The following MAD1L1 variants were observed in gnomAD, a reference collection of about 807,000 sequenced individuals.
MAD1L1 encodes the protein mitotic arrest deficient 1 like 1.
In MAD1L1, 95 loss-of-function variants were observed where a neutral mutation model predicts 96.9. The observed-to-expected ratio is 0.98, with a 90% CI of 0.83 to 1.16. The LOEUF is 1.16. MAD1L1 is among the 50% of genes most tolerant of loss of function. The probability of loss-of-function intolerance (pLI) is 0.00; values close to 1 mark genes in which losing one functional copy is unlikely to be tolerated. For synonymous variants in MAD1L1, 473 were observed against 396.6 expected (o/e 1.19, Z -2.29); for missense variants, 1,007 against 954.4 (o/e 1.06, Z -0.73).
chr7:1,982,682 G>A (rs914504018), intron 14 of MAD1L1, among the ~76,000 whole-genome samples: 20 of 152,104 alleles, frequency 1.3e-4, no homozygotes, highest in Admixed American at 1.2e-3. Context: ...TCCCAATATT[G>A]ATACCTTGGG....
At chr7:2,179,966 C>T (rs193021609) in intron 10 of MAD1L1, among the ~76,000 whole-genome samples, 4 of 142,680 alleles carry the variant, frequency 2.8e-5, no homozygotes, top group East Asian at 1.9e-4. Context: ...AGCAAAACTC[C>T]GTCTCAAAAA....
Position 2,069,222 on chromosome 7 carries a change from A to T in MAD1L1, c.1190T>A (p.Leu397His), listed in dbSNP as rs757569153. The T allele has an allele frequency of 8.7e-6, 14 of 1,605,854 alleles. No homozygotes were observed. The highest frequency in any genetic ancestry group is 3.3e-4 in the Middle Eastern group (2 of 6,044). The change falls in exon 12 of 19, where the codon CTC becomes CAC. Residue 397 changes from leucine (L) to histidine (H), a missense_variant. Coordinates refer to ENST00000265854, the MANE Select transcript of MAD1L1 (RefSeq NM_001013836.2). ...GGTGAGCAGCAGGACCCGTTTCTGG[A>T]GCCTCCGGGCCAGCGCCTCGTGGGT... Reference protein sequence around the residue: ...RETHEALARRLQKRVLLLTKE... With the variant: ...RETHEALARRHQKRVLLLTKE...
At chr7:1,862,445 GA>G (rs1458566600) in intron 18 of MAD1L1, among the ~76,000 whole-genome samples, 1 of 152,236 alleles carries the variant, frequency 6.6e-6, no homozygotes, top group Non-Finnish European at 1.5e-5. Flanking sequence ...GCAGGGGCTT[GA>G]GGATTTGTGC....
At chr7:2,067,205 GGGGTC>G (rs1562654364) in intron 12 of MAD1L1, among the ~76,000 whole-genome samples, 9 of 128,664 alleles carry the variant, frequency 7.0e-5, no homozygotes, top group African/African-American at 3.4e-4. Context: ...GCAGGCACCC[GGGGTC>G]ATCAGGCCAT....
At chr7:2,135,298 G>A (rs564390381) in intron 11 of MAD1L1, among the ~76,000 whole-genome samples, 4 of 152,290 alleles carry the variant, frequency 2.6e-5, no homozygotes, top group Non-Finnish European at 4.4e-5. Context: ...GCAGATGGAC[G>A]CAGACACGAG....
intron 14 of MAD1L1, among the ~76,000 whole-genome samples, chr7:1,980,965 G>A (rs980650606): frequency 6.6e-6 from 1 of 152,106 alleles, no homozygotes; most frequent in East Asian, 1.9e-4. Flanking sequence ...GAGGGAGCCT[G>A]GATTCTGTTT....
intron 17 of MAD1L1, among the ~76,000 whole-genome samples, chr7:1,929,742 C>G (rs1789325809): frequency 6.6e-6 from 1 of 150,848 alleles, no homozygotes; most frequent in Non-Finnish European, 1.5e-5. Flanking sequence ...GCCACGTCCC[C>G]TCGCCCCGTC....
intron 17 of MAD1L1, among the ~76,000 whole-genome samples, chr7:1,902,087 G>A (rs566266458): frequency 1.4e-4 from 21 of 152,268 alleles, no homozygotes; most frequent in South Asian, 1.0e-3. Context: ...CCCAGGGCCC[G>A]GCCCAGTGGG....
chr7:1,968,362 C>G lies in MAD1L1; in HGVS notation c.1506-10643G>C, dbSNP rs1186885521. 1.3e-5 allele frequency among the ~76,000 whole-genome samples: 2 copies of G among 151,026 alleles called. No homozygotes were observed. The highest frequency in any genetic ancestry group is 6.6e-5 in the Admixed American group (1 of 15,206). On this transcript the variant is annotated intron_variant, in intron 15 of 18. Coordinates refer to ENST00000265854, the MANE Select transcript of MAD1L1 (RefSeq NM_001013836.2). This position sits in a 1 kb window ranked among gnomAD's most constrained non-coding sequence, Gnocchi z 5.6. ...ACCGTCCACACCTCAGTCCAGTGGT[C>G]AGGTCCACTGTCAATGCCTCAGTCC...
At chr7:2,066,425 G>A (rs1365726565) in intron 12 of MAD1L1, among the ~76,000 whole-genome samples, 8 of 152,204 alleles carry the variant, frequency 5.3e-5, no homozygotes, top group South Asian at 2.1e-4. Context: ...GGGGCTACAC[G>A]GGCGACTGGG....
intron 13 of MAD1L1, among the ~76,000 whole-genome samples, chr7:2,010,901 G>T (rs910822455): frequency 2.0e-5 from 3 of 152,206 alleles, no homozygotes; most frequent in Admixed American, 1.3e-4. Context: ...GAGTGTGAGT[G>T]GGGGACAGAG....
intron 12 of MAD1L1, among the ~76,000 whole-genome samples, chr7:2,056,281 G>T (rs1162460333): frequency 2.6e-5 from 4 of 152,344 alleles, no homozygotes; most frequent in Admixed American, 2.0e-4. Flanking sequence ...AAGAGCAAGA[G>T]AAATCGTGCC....
At chr7:2,225,077 T>C (rs548806769) in intron 4 of MAD1L1, among the ~76,000 whole-genome samples, 1 of 152,310 alleles carries the variant, frequency 6.6e-6, no homozygotes, top group African/African-American at 2.4e-5. Flanking sequence ...AGTGTTCCCA[T>C]TTCATGCCAC....
intron 10 of MAD1L1, among the ~76,000 whole-genome samples, chr7:2,168,711 G>A (rs1366631254): frequency 2.0e-5 from 3 of 152,400 alleles, no homozygotes; most frequent in Non-Finnish European, 2.9e-5. Context: ...CGATACTCCC[G>A]CGTGGAGGGC....
intron 18 of MAD1L1, among the ~76,000 whole-genome samples, chr7:1,896,203 G>A (rs903682549): frequency 7.2e-5 from 11 of 152,258 alleles, no homozygotes; most frequent in African/African-American, 9.6e-5. Flanking sequence ...GCTCCAAGGC[G>A]GAAAGGAGGG....
intron 12 of MAD1L1, among the ~76,000 whole-genome samples, chr7:2,031,161 C>T (rs368005365): frequency 1.3e-5 from 2 of 152,158 alleles, no homozygotes; most frequent in East Asian, 3.9e-4. Context: ...AACACCAGGC[C>T]GCTCAGAGAG....
intron 10 of MAD1L1, among the ~76,000 whole-genome samples, chr7:2,191,402 G>A (rs968093175): frequency 2.6e-5 from 4 of 152,154 alleles, no homozygotes; most frequent in African/African-American, 9.7e-5. Context: ...TCACCTAATG[G>A]TCATTTAGAG....
At chr7:2,038,156 G>A (rs947607208) in intron 12 of MAD1L1, among the ~76,000 whole-genome samples, 2 of 152,258 alleles carry the variant, frequency 1.3e-5, no homozygotes, top group African/African-American at 4.8e-5. Flanking sequence ...GTCAGAGCAA[G>A]TTCCACGAGG....
At chr7:2,109,035 C>T (rs114129595) in intron 11 of MAD1L1, among the ~76,000 whole-genome samples, 79 of 152,360 alleles carry the variant, frequency 5.2e-4, no homozygotes, top group African/African-American at 1.5e-3. Flanking sequence ...CCCTGTGCTG[C>T]GCACACAGCC....
Sources: gnomAD v4.1 joint callset for allele counts (sites outside exome capture counted in the v4.1 genomes callset) on GRCh38, gnomAD v4.1.1 for gene constraint, Gnocchi (gnomAD v3.1) non-coding constraint, MANE v1.5 for transcripts, NCBI Gene and HGNC (gene_info 2026-07-23, HGNC 2026-07-21) for gene names.